Variants in GOSR2 observed in about 807,000 individuals in gnomAD.
The protein encoded by GOSR2 is 27 kDa Golgi SNARE protein.
A neutral mutation model predicts 27.9 loss-of-function variants in GOSR2; 20 were observed. That is an observed-to-expected ratio of 0.72 (90% CI 0.50 to 1.04). The LOEUF (loss-of-function observed/expected upper bound fraction) is 1.04, where lower values mean the gene tolerates loss of function less well. Among genes scored for constraint, GOSR2 ranks in the 50% least tolerant of loss-of-function variants. GOSR2 has a pLI of 0.00. For missense variants in GOSR2, 261 were observed against 270.5 expected (o/e 0.97, Z 0.25); for synonymous variants, 91 against 98.8 (o/e 0.92, Z 0.47).
downstream of GOSR2, among the ~76,000 whole-genome samples, chr17:46,944,788 C>T (rs578112320): frequency 2.6e-5 from 4 of 151,996 alleles, no homozygotes; most frequent in South Asian, 2.1e-4. Context: ...TTAGTAGAAA[C>T]GGGGTTTCTC....
chr17:46,974,643 A>C (rs546778469), intron 6 of GOSR2, among the ~76,000 whole-genome samples: 26 of 151,972 alleles, frequency 1.7e-4, no homozygotes, highest in Admixed American at 1.0e-3. Flanking sequence ...CTGAGGCAGG[A>C]GGATGGCGTG....
At chr17:46,951,093 G>A (rs1599159738) in intron 6 of GOSR2, among the ~76,000 whole-genome samples, 1 of 152,164 alleles carries the variant, frequency 6.6e-6, no homozygotes, top group Non-Finnish European at 1.5e-5. Context: ...CAGGAGCCAC[G>A]CCAAAGGCTT....
downstream of GOSR2, among the ~76,000 whole-genome samples, chr17:46,945,354 G>A (rs980146197): frequency 1.3e-5 from 2 of 152,304 alleles, no homozygotes; most frequent in Admixed American, 6.5e-5. Context: ...GCTGGTGTGG[G>A]TGTGGACAAG....
chr17:46,938,103 T>A lies in GOSR2; in HGVS notation c.478-496T>A, dbSNP rs2088707184. The stretch of plus-strand genomic sequence containing the variant: ...ATCTCGAAATCCTGGCCTCAAGTAA[T>A]CCTCCCACCCACCCCTCCCAGAGTG... On this transcript the variant is annotated intron_variant, in intron 5 of 5. Transcript: ENST00000640051. 3 of 203,348 alleles carry A rather than the reference T, an allele frequency of 1.5e-5. No homozygotes were observed. The Admixed American group carries it at 1.6e-4, about 11-fold the overall frequency. 12.6% of individuals were successfully genotyped at this position (203,348 alleles called of 1,614,324 possible).
rs2089114074 is a variant in GOSR2, at chr17:46,940,487, C to T, written c.*1727C>T. ...CACTGCTGCGGTGCCAGGGACCTAG[C>T]GCAGGACTTTTGGTAATCCATAAAA... On this transcript the variant is annotated 3_prime_UTR_variant, in exon 6 of 6. Coordinates refer to ENST00000640051, the MANE Select transcript of GOSR2 (RefSeq NM_004287.5). The T allele has an allele frequency of 1.1e-5, 17 of 1,612,926 alleles. No homozygotes were observed. The highest frequency in any genetic ancestry group is 6.7e-5 in the East Asian group (3 of 44,884).
Position 46,941,942 on chromosome 17 carries a change from T to G in GOSR2, c.*3182T>G, listed in dbSNP as rs2089334760. The stretch of plus-strand genomic sequence containing the variant: ...ACCACTGTCTCCTAGACAGAAAGCT[T>G]CTGTCTCAAAGATGATCACATTGGT... On this transcript the variant is annotated 3_prime_UTR_variant, in exon 6 of 6. Transcript: ENST00000640051. The G allele has an allele frequency of 2.0e-6, 2 of 985,222 alleles. No homozygotes were observed. The highest frequency in any genetic ancestry group is 3.5e-5 in the African/African-American group (2 of 57,228). The allele number at this position is 985,222 out of a possible 1,614,324, so 61.0% of individuals were successfully genotyped here.
Position 46,954,432 on chromosome 17 carries a change from A to G in GOSR2, c.584-12102A>G, listed in dbSNP as rs571023918. 3.3e-5 allele frequency among the ~76,000 whole-genome samples: 5 copies of G among 152,300 alleles called. No homozygotes were observed. In the South Asian group the frequency reaches 1.0e-3, roughly 32 times the overall value. On this transcript the variant is annotated intron_variant, in intron 6 of 6. Transcript: ENST00000573224. ...GTACCAGTACCATGCTGTTTTAGTT[A>G]CTGTAGCGTTGTAGTATAGTTTGAA... is the stretch of plus-strand genomic sequence containing the variant.
downstream of GOSR2, among the ~76,000 whole-genome samples, chr17:46,944,871 A>G (rs1053308989): frequency 9.2e-5 from 14 of 152,228 alleles, no homozygotes; most frequent in Middle Eastern, 6.8e-3. Context: ...AAGTGCTGGG[A>G]TTACTGGCAT....
Position 46,938,693 on chromosome 17 carries a change from A to T in GOSR2, c.572A>T (p.Tyr191Phe), listed in dbSNP as rs1319372225. ...GAGAAGCGGGCTTTCCAGGACAAGT[A>T]CTTTATGATAGGTGGGATGCTGCTG... ...LIEKRAFQDK[Y>F]FMIGGMLLTC... The change falls in exon 6 of 6, where the codon TAC (tyrosine) becomes TTC (phenylalanine). Residue 191 changes from tyrosine to phenylalanine, a missense_variant. Coordinates refer to ENST00000640051, the MANE Select transcript of GOSR2 (RefSeq NM_004287.5). The T allele has an allele frequency of 6.2e-7, 1 of 1,613,738 alleles. No individual in the cohort carries two copies. The highest frequency in any genetic ancestry group is 1.7e-5 in the Admixed American group (1 of 60,004).
intron 6 of GOSR2, among the ~76,000 whole-genome samples, chr17:46,951,830 C>T (rs373272112): frequency 4.7e-4 from 71 of 152,278 alleles, no homozygotes; most frequent in African/African-American, 1.5e-3. Context: ...CCACTCTGCC[C>T]GCCTTTCAGC....
chr17:46,946,090 C>A (rs574790443), downstream of GOSR2, among the ~76,000 whole-genome samples: 369 of 152,074 alleles, frequency 2.4e-3, no homozygotes, highest in Non-Finnish European at 3.9e-3. Context: ...CTCCTTAGGC[C>A]ACCTGGGAAT....
chr17:46,958,532 A>C (rs1214242096), intron 6 of GOSR2, among the ~76,000 whole-genome samples: 1 of 152,216 alleles, frequency 6.6e-6, no homozygotes. Flanking sequence ...ATCTGGAAGA[A>C]GCCTTAGAGA....
intron 4 of GOSR2, 109 bp from the exon 5 acceptor site, chr17:46,934,920 C>G (rs1307358879): frequency 3.1e-6 from 3 of 965,280 alleles, no homozygotes; most frequent in East Asian, 2.4e-5. Context: ...GATTCTTTCA[C>G]CAGCCCCTCC....
chr17:46,932,023 G>A (rs766059083), intron 3 of GOSR2, 44 bp from the exon 4 acceptor site: 1 of 1,600,752 alleles, frequency 6.2e-7, no homozygotes, highest in Non-Finnish European at 8.6e-7. Flanking sequence ...AGATTCTGCT[G>A]CCCTGAGTTC....
At chr17:46,930,251 TTGTTCAC>T (rs2087136273) in intron 2 of GOSR2, 1 of 152,386 alleles carries the variant, frequency 6.6e-6, no homozygotes, top group African/African-American at 2.4e-5. Context: ...TCAACTGTCT[TTGTTCAC>T]TGTGGGCACA....
At chr17:46,931,308 T>G in intron 3 of GOSR2, 101 bp downstream of exon 3, 1 of 739,998 alleles carries the variant, frequency 1.4e-6, no homozygotes, top group Non-Finnish European at 2.5e-6. Context: ...CCAACGTACA[T>G]GTTGAAAAAC....
Position 46,935,358 on chromosome 17 carries a change from T to G in GOSR2, c.477+189T>G, listed in dbSNP as rs980942752. Reference sequence around the variant, plus strand: ...TGTGAGCCTGAAAGTACCCAGTTCCTTTGCCAGTGCTTGAAACAAACCATG... The same window carrying G: ...TGTGAGCCTGAAAGTACCCAGTTCCGTTGCCAGTGCTTGAAACAAACCATG... On this transcript the variant is annotated intron_variant, in intron 5 of 5. Coordinates refer to ENST00000640051, the MANE Select transcript of GOSR2 (RefSeq NM_004287.5). 6.2e-6 allele frequency: 9 copies of G among 1,453,832 alleles called. No individual in the cohort carries two copies. The African/African-American group carries it at 1.3e-4, about 21-fold the overall frequency. The allele number at this position is 1,453,832 out of a possible 1,614,324, so 90.1% of individuals were successfully genotyped here.
chr17:46,949,913 C>T (rs191779152), intron 6 of GOSR2, among the ~76,000 whole-genome samples: 29 of 152,290 alleles, frequency 1.9e-4, no homozygotes, highest in Admixed American at 7.2e-4. Flanking sequence ...TGAGGCCAGA[C>T]GCGGGGTGCC....
At position 46,923,693 on chromosome 17, in the gene GOSR2, G is replaced by T. The variant is rs1002672601; in HGVS notation, c.29+472G>T. 4.2e-6 allele frequency: 3 copies of T among 712,964 alleles called. No homozygotes were observed. The African/African-American group carries it at 5.5e-5, about 13-fold the overall frequency. 44.2% of individuals were successfully genotyped at this position (712,964 alleles called of 1,614,324 possible). A position where few individuals can be genotyped will look rare whatever the true frequency, so the allele number is the denominator to read the frequency against. On this transcript the variant is annotated intron_variant, in intron 1 of 5. Coordinates refer to ENST00000640051, the MANE Select transcript of GOSR2 (RefSeq NM_004287.5). Reference sequence around the variant, plus strand: ...TTATACTAAAGACCACATTTTTATGGTACAAAGAAATTGCTGTCCACGTAG... The same window carrying T: ...TTATACTAAAGACCACATTTTTATGTTACAAAGAAATTGCTGTCCACGTAG...
Sources: allele counts gnomAD v4.1 joint callset (sites outside exome capture counted in the v4.1 genomes callset), GRCh38; gene constraint gnomAD v4.1.1; transcripts MANE v1.5; gene names NCBI Gene and HGNC (gene_info 2026-07-23, HGNC 2026-07-21).